KCNMA1: variants seen among roughly 807,000 people sequenced by gnomAD.
KCNMA1 encodes the protein Calcium-activated potassium channel subunit alpha-1.
KCNMA1 carries 29 observed loss-of-function variants against 140.0 expected under a neutral mutation model. That is an observed-to-expected ratio of 0.21 (90% CI 0.15 to 0.28). The LOEUF is 0.28. Ranked by LOEUF, KCNMA1 falls within the 10% of genes least tolerant of loss-of-function variation. KCNMA1 has a pLI of 1.00. For synonymous variants in KCNMA1, 612 were observed against 611.9 expected, an observed-to-expected ratio of 1.00 and a Z score of 0.00; for missense variants, 880 against 1,602.2, an observed-to-expected ratio of 0.55 and a Z score of 7.70.
chr10:77,213,801 G>A (rs921338730), intron 3 of KCNMA1, among the ~76,000 whole-genome samples: 1 of 152,110 alleles, frequency 6.6e-6, no homozygotes, highest in East Asian at 1.9e-4. Flanking sequence ...AGCAACTATA[G>A]TGTTTCTGAT....
At chr10:77,253,070 T>C (rs1050577479) in intron 2 of KCNMA1, among the ~76,000 whole-genome samples, 1 of 152,190 alleles carries the variant, frequency 6.6e-6, no homozygotes, top group Non-Finnish European at 1.5e-5. Flanking sequence ...CTTCGCTTTT[T>C]CCTCTATTAT....
At chr10:77,306,677 T>A (rs550041487) in intron 2 of KCNMA1, among the ~76,000 whole-genome samples, 15 of 152,344 alleles carry the variant, frequency 9.8e-5, no homozygotes, top group African/African-American at 2.9e-4. Flanking sequence ...AAGAATGGAT[T>A]TGACAGAGAG....
chr10:77,428,712 T>C (rs1488956541), intron 1 of KCNMA1, among the ~76,000 whole-genome samples: 3 of 151,974 alleles, frequency 2.0e-5, no homozygotes, highest in African/African-American at 4.8e-5. Context: ...GAGAAAAATG[T>C]GTGATTGGGG....
intron 1 of KCNMA1, among the ~76,000 whole-genome samples, chr10:77,568,820 G>T (rs1454922674): frequency 5.9e-5 from 9 of 151,392 alleles, no homozygotes; most frequent in African/African-American, 2.2e-4. Flanking sequence ...TGACATGATT[G>T]TATATCTAGA....
chr10:77,598,225 C>T (rs1263169977), intron 1 of KCNMA1, among the ~76,000 whole-genome samples: 2 of 152,200 alleles, frequency 1.3e-5, no homozygotes, highest in African/African-American at 4.8e-5. Flanking sequence ...CCCACCTTGG[C>T]CTCCCAAAGT....
At chr10:77,001,719 A>G (rs1376134719) in intron 18 of KCNMA1, 139 bp from the exon 19 acceptor site, 2 of 666,084 alleles carry the variant, frequency 3.0e-6, no homozygotes, top group Non-Finnish European at 5.0e-6. Flanking sequence ...CCCAGAAAAA[A>G]ATGCAGAGTG....
intron 2 of KCNMA1, among the ~76,000 whole-genome samples, chr10:77,327,188 C>T (rs939647939): frequency 2.0e-5 from 3 of 151,820 alleles, no homozygotes; most frequent in Non-Finnish European, 4.4e-5. Context: ...CCCTTCTGCA[C>T]AGCATACCCA....
intron 2 of KCNMA1, among the ~76,000 whole-genome samples, chr10:77,257,326 G>A (rs1041165128): frequency 1.3e-5 from 2 of 152,208 alleles, no homozygotes; most frequent in Admixed American, 1.3e-4. Context: ...AAACAGTTAA[G>A]TCTGGCCTGG....
At chr10:77,081,816 T>C (rs2096573537) in intron 12 of KCNMA1, among the ~76,000 whole-genome samples, 1 of 152,010 alleles carries the variant, frequency 6.6e-6, no homozygotes, top group South Asian at 2.1e-4. Flanking sequence ...ATCTTTGACA[T>C]TTTAATTTCA....
At chr10:77,170,176 G>A (rs1238817228) in intron 5 of KCNMA1, among the ~76,000 whole-genome samples, 3 of 152,102 alleles carry the variant, frequency 2.0e-5, no homozygotes, top group African/African-American at 4.8e-5. Flanking sequence ...GGGCAACAAT[G>A]CAAGACCCAA....
chr10:76,962,549 A>G (rs1052917402), intron 20 of KCNMA1, among the ~76,000 whole-genome samples: 2 of 152,210 alleles, frequency 1.3e-5, no homozygotes, highest in African/African-American at 4.8e-5. Flanking sequence ...GATGGGGCTA[A>G]CAAGACATTT....
intron 1 of KCNMA1, among the ~76,000 whole-genome samples, chr10:77,504,658 T>C (rs2154546121): frequency 6.6e-6 from 1 of 152,246 alleles, no homozygotes. Flanking sequence ...AGTGCAATCA[T>C]AGCTCATTGC....
chr10:77,446,958 G>C (rs1325850881), intron 1 of KCNMA1, among the ~76,000 whole-genome samples: 1 of 152,146 alleles, frequency 6.6e-6, no homozygotes, highest in Non-Finnish European at 1.5e-5. Context: ...TTGCCCTTCA[G>C]GGTCAGGTCA....
intron 23 of KCNMA1, among the ~76,000 whole-genome samples, chr10:76,940,199 A>T (rs2061599095): frequency 1.3e-5 from 2 of 152,216 alleles, no homozygotes; most frequent in African/African-American, 4.8e-5. Context: ...CCTTTTCTGT[A>T]ATTGTTTTTG....
chr10:76,913,738 C>G (rs920320676), intron 24 of KCNMA1: 1 of 288,234 alleles, frequency 3.5e-6, no homozygotes, highest in South Asian at 7.4e-5. Context: ...GGCGGGAGAG[C>G]GGGGTGACAA....
At chr10:77,619,234 A>C (rs1040247102) in intron 1 of KCNMA1, among the ~76,000 whole-genome samples, 3 of 152,080 alleles carry the variant, frequency 2.0e-5, no homozygotes, top group African/African-American at 7.2e-5. Flanking sequence ...ATCTATGTCA[A>C]CTGGGGTTGG....
intron 1 of KCNMA1, among the ~76,000 whole-genome samples, chr10:77,574,260 G>GTGTA (rs1555464574): frequency 1.3e-4 from 19 of 148,492 alleles, no homozygotes; most frequent in East Asian, 7.8e-4. Flanking sequence ...CTATGCGTGT[G>GTGTA]TATATATATA....
rs1482018453 is a variant in KCNMA1, at chr10:77,251,224, T to G, written c.573A>C (p.Ala191=). 6.2e-7 allele frequency: 1 copy of G among 1,612,438 alleles called. No individual in the cohort carries two copies. Among genetic ancestry groups the G allele is most frequent in the East Asian group, 2.2e-5 (1 of 44,774 alleles). ...VVLVFALSIG[A]LVIYFIDSSN... is the part of the protein sequence containing the mutation. ...ATGAATCTATGAAGTATATTACAAG[T>G]GCACCGATGCTGAGAGCAAAGACTA... Residue 191 remains alanine (A), a synonymous_variant, in exon 3 of 28, where the codon GCA becomes GCC. Coordinates refer to ENST00000286628, the MANE Select transcript of KCNMA1 (RefSeq NM_001161352.2).
chr10:77,093,329 T>C (rs1034625368), intron 9 of KCNMA1, among the ~76,000 whole-genome samples: 1 of 152,208 alleles, frequency 6.6e-6, no homozygotes, highest in African/African-American at 2.4e-5. Context: ...ATTAGGTACA[T>C]TATCATGGCA....
Sources: gnomAD v4.1 joint callset for allele counts (sites outside exome capture counted in the v4.1 genomes callset) on GRCh38, gnomAD v4.1.1 for gene constraint, MANE v1.5 for transcripts, NCBI Gene and HGNC (gene_info 2026-07-23, HGNC 2026-07-21) for gene names.